The following EDRF1 variants were observed in gnomAD, a reference collection of about 807,000 sequenced individuals.
EDRF1 encodes the protein erythroid differentiation regulatory factor 1.
In EDRF1, 69 loss-of-function variants were observed where a neutral mutation model predicts 148.7. The observed-to-expected ratio is 0.46, with a 90% CI of 0.38 to 0.57. The LOEUF (loss-of-function observed/expected upper bound fraction) is 0.57. EDRF1 is among the 20% of genes least tolerant of loss of function. EDRF1 has a pLI of 0.00. For synonymous variants in EDRF1, 515 were observed against 532.8 expected (o/e 0.97, Z 0.46); for missense variants, 1,118 against 1,478.7 (o/e 0.76, Z 4.00).
chr10:125,743,029 G>C, intron 17 of EDRF1, 29 bp from the exon 18 acceptor site: 2 of 1,610,292 alleles, frequency 1.2e-6, no homozygotes, highest in Non-Finnish European at 1.7e-6. Flanking sequence ...CACATGATTC[G>C]CATTGATGTA....
chr10:125,750,589 T>TA, intron 22 of EDRF1: 1 of 152,346 alleles, frequency 6.6e-6, no homozygotes, highest in Non-Finnish European at 1.5e-5. Context: ...TGACTTAGTT[T>TA]ACATAATACA....
chr10:125,744,422 A>C (rs1422025667), intron 18 of EDRF1, among the ~76,000 whole-genome samples: 2 of 152,148 alleles, frequency 1.3e-5, no homozygotes, highest in Admixed American at 6.5e-5. Context: ...GGCCTCAGGC[A>C]GTCCTCACGC....
rs905266004 is a variant in EDRF1 at position 125,738,333 on chromosome 10, C to T, written c.1869C>T (p.Ser623=). Residue 623 remains serine, a synonymous_variant, in exon 15 of 25, where the codon AGC becomes AGT. Transcript: ENST00000356792. The part of the protein sequence containing the change: ...KSVDSSIKKE[S]DLPAADPSTP... ...TCGATAGCAGCATCAAAAAAGAAAG[C>T]GACCTTCCAGCAGCTGACCCCAGCA... 14 of 1,613,902 alleles carry T rather than the reference C, an allele frequency of 8.7e-6. 1 individual carries two copies. Among genetic ancestry groups the T allele is most frequent in the Middle Eastern group, 1.6e-4 (1 of 6,084 alleles).
Position 125,721,264 on chromosome 10 carries a change from T to G in EDRF1, c.169T>G (p.Ser57Ala), listed in dbSNP as rs1162865613. The G allele has an allele frequency of 1.9e-6, 3 of 1,614,238 alleles. No individual in the cohort carries two copies. The Admixed American group carries it at 5.0e-5, about 27-fold the overall frequency. Residue 57 changes from serine to alanine, a missense_variant, in exon 2 of 25, where the codon TCT becomes GCT. Ser to Ala is a moderately conservative substitution (Grantham distance 99). Transcript: ENST00000356792. ...GAGCCGAGCTGTGGTGAAATACTCT[T>G]CTGCCCCTCCTCGAACAGCATTTGC... ...VKSRAVVKYS[S>A]APPRTAFARL...
At chr10:125,722,925 G>A in intron 2 of EDRF1, 143 bp from the exon 3 acceptor site, 1 of 794,074 alleles carries the variant, frequency 1.3e-6, no homozygotes, top group South Asian at 1.4e-5. Context: ...AACTGTGATG[G>A]TGATACACAT....
chr10:125,738,066 C>G, intron 14 of EDRF1, 77 bp downstream of exon 14: 2 of 1,457,646 alleles, frequency 1.4e-6, no homozygotes, highest in Non-Finnish European at 1.9e-6. Context: ...TTGTTGGTAT[C>G]TAAATGTTAT....
chr10:125,732,038 G>T, intron 9 of EDRF1: 1 of 268,830 alleles, frequency 3.7e-6, no homozygotes, highest in Non-Finnish European at 8.3e-6. Flanking sequence ...TTCTTAACCT[G>T]GTTGTGCATC....
intron 12 of EDRF1, among the ~76,000 whole-genome samples, chr10:125,735,072 A>G (rs1427064778): frequency 1.3e-5 from 2 of 152,126 alleles, no homozygotes; most frequent in East Asian, 3.8e-4. Flanking sequence ...GGATGTTAGA[A>G]ATGGTGTTAA....
At chr10:125,723,696 A>G in intron 3 of EDRF1, 115 bp from the exon 4 acceptor site, 1 of 1,127,332 alleles carries the variant, frequency 8.9e-7, no homozygotes, top group Non-Finnish European at 1.3e-6. Flanking sequence ...CTATTTGTAT[A>G]ACCTTAAGGA....
intron 6 of EDRF1, 82 bp from the exon 7 acceptor site, chr10:125,728,921 A>G (rs573344909): frequency 9.5e-7 from 1 of 1,050,620 alleles, no homozygotes; most frequent in Non-Finnish European, 1.4e-6. Context: ...TGCTTTGAAT[A>G]TTTAGGTGAT....
intron 14 of EDRF1, 88 bp from the exon 15 acceptor site, chr10:125,738,207 G>C: frequency 6.6e-7 from 1 of 1,524,202 alleles, no homozygotes; most frequent in Non-Finnish European, 9.1e-7. Flanking sequence ...TTTCCTAAAC[G>C]TATTCAGTAG....
intron 12 of EDRF1, 34 bp from the exon 13 acceptor site, chr10:125,735,610 A>ATGTAATAT: frequency 6.2e-7 from 1 of 1,603,076 alleles, no homozygotes; most frequent in Admixed American, 1.7e-5. Context: ...TTTTGATGAC[A>ATGTAATAT]GTAATTTACA....
intron 23 of EDRF1, 99 bp downstream of exon 23, chr10:125,753,013 A>ACC: frequency 1.3e-6 from 1 of 799,942 alleles, no homozygotes; most frequent in Non-Finnish European, 2.2e-6. Flanking sequence ...GGGTATATAT[A>ACC]CACACATGTA....
intron 15 of EDRF1, among the ~76,000 whole-genome samples, chr10:125,739,662 A>G (rs2133714607): frequency 6.6e-6 from 1 of 152,386 alleles, no homozygotes; most frequent in East Asian, 1.9e-4. Flanking sequence ...CATTGCCTTG[A>G]AAGACTTGTG....
intron 24 of EDRF1, among the ~76,000 whole-genome samples, chr10:125,757,296 C>T (rs187714849): frequency 3.0e-3 from 464 of 152,218 alleles, no homozygotes; most frequent in Non-Finnish European, 5.5e-3. Context: ...CAGTATACAT[C>T]GTTAATCTTT....
chr10:125,751,404 G>GTTTTTTTT (rs60964364), intron 22 of EDRF1, among the ~76,000 whole-genome samples: 6 of 140,694 alleles, frequency 4.3e-5, no homozygotes, highest in Non-Finnish European at 3.0e-5. Context: ...TTTACCCAGT[G>GTTTTTTTT]TTTTTTTTTT....
chr10:125,745,429 A>G lies in EDRF1; in HGVS notation c.2591-278A>G, dbSNP rs142167814. 363 of 457,334 alleles carry G rather than the reference A, an allele frequency of 7.9e-4. 1 individual carries two copies. The highest frequency in any genetic ancestry group is 6.6e-3 in the African/African-American group (336 of 50,894). 28.3% of individuals were successfully genotyped at this position (457,334 alleles called of 1,614,324 possible). On this transcript the variant is annotated intron_variant, in intron 18 of 24. Coordinates refer to ENST00000356792, the MANE Select transcript of EDRF1 (RefSeq NM_001202438.2). ...ACTGGATTAGGATCCCACCCTTACA[A>G]TCTCATTTAATCTTAATTACGTCTT...
chr10:125,742,722 T>C, intron 17 of EDRF1: 1 of 984,682 alleles, frequency 1.0e-6, no homozygotes, highest in Non-Finnish European at 1.2e-6. Context: ...ACTATTTCCA[T>C]TAGTTAAAAA....
intron 4 of EDRF1, among the ~76,000 whole-genome samples, chr10:125,724,567 G>A (rs1848162552): frequency 6.6e-6 from 1 of 152,104 alleles, no homozygotes; most frequent in African/African-American, 2.4e-5. Flanking sequence ...GTTCACACCA[G>A]GACAAAATCA....
Sources: allele counts gnomAD v4.1 joint callset (sites outside exome capture counted in the v4.1 genomes callset), GRCh38; gene constraint gnomAD v4.1.1; transcripts MANE v1.5; gene names NCBI Gene and HGNC (gene_info 2026-07-23, HGNC 2026-07-21).